CACNA2D3: variants seen among roughly 807,000 people sequenced by gnomAD.
CACNA2D3 encodes calcium voltage-gated channel auxiliary subunit alpha2delta 3.
A neutral mutation model predicts 160.6 loss-of-function variants in CACNA2D3; 60 were observed. The ratio of observed to expected loss-of-function variants is 0.37; its 90% CI spans 0.30 to 0.46. The LOEUF (loss-of-function observed/expected upper bound fraction) is 0.46, where lower values mean the gene tolerates loss of function less well. Ranked by LOEUF, CACNA2D3 falls within the 20% of genes least tolerant of loss-of-function variation. The pLI is 1.00. For synonymous variants in CACNA2D3, 558 were observed against 492.9 expected (o/e 1.13, Z -1.75); for missense variants, 1,205 against 1,365.0 (o/e 0.88, Z 1.85).
intron 2 of CACNA2D3, among the ~76,000 whole-genome samples, chr3:54,312,485 T>G (rs749008391): frequency 6.6e-6 from 1 of 152,140 alleles, no homozygotes; most frequent in Non-Finnish European, 1.5e-5. Flanking sequence ...TGGAGCTCCC[T>G]CTCTGGGGGC....
chr3:54,843,973 G>A (rs559439852), intron 16 of CACNA2D3, among the ~76,000 whole-genome samples: 4 of 152,312 alleles, frequency 2.6e-5, no homozygotes, highest in Admixed American at 2.6e-4. Flanking sequence ...CCACTACCCT[G>A]TTGGATACTT....
At chr3:54,784,759 T>G (rs1702602160) in intron 13 of CACNA2D3, among the ~76,000 whole-genome samples, 1 of 152,138 alleles carries the variant, frequency 6.6e-6, no homozygotes, top group Admixed American at 6.5e-5. Flanking sequence ...AGCAGCAGAC[T>G]TCGTGAGCAG....
intron 11 of CACNA2D3, among the ~76,000 whole-genome samples, chr3:54,697,732 T>C (rs1454374104): frequency 6.6e-6 from 1 of 152,250 alleles, no homozygotes; most frequent in Non-Finnish European, 1.5e-5. Flanking sequence ...TCTAGTTATT[T>C]TCTAACTACC....
chr3:54,390,086 T>C (rs1699253910), intron 4 of CACNA2D3, among the ~76,000 whole-genome samples: 2 of 152,182 alleles, frequency 1.3e-5, no homozygotes, highest in Non-Finnish European at 2.9e-5. Flanking sequence ...TTATGGCTCA[T>C]GTGGTCAGTT....
intron 4 of CACNA2D3, among the ~76,000 whole-genome samples, chr3:54,472,826 T>G (rs1462086217): frequency 1.3e-5 from 2 of 152,098 alleles, no homozygotes; most frequent in African/African-American, 4.8e-5. Flanking sequence ...ATACGACTTA[T>G]AAGGGATATG....
At chr3:54,363,100 C>T (rs774380767) in intron 3 of CACNA2D3, among the ~76,000 whole-genome samples, 50 of 152,150 alleles carry the variant, frequency 3.3e-4, no homozygotes, top group Middle Eastern at 3.4e-3. Flanking sequence ...GAGGCTGAGG[C>T]AGAGGAATTG....
intron 11 of CACNA2D3, among the ~76,000 whole-genome samples, chr3:54,718,606 T>C (rs1701108067): frequency 6.6e-6 from 1 of 152,116 alleles, no homozygotes; most frequent in African/African-American, 2.4e-5. Flanking sequence ...TATCTGGTAG[T>C]ATAAGTCTTC....
intron 9 of CACNA2D3, among the ~76,000 whole-genome samples, chr3:54,590,431 G>C (rs1702836545): frequency 6.6e-6 from 1 of 152,138 alleles, no homozygotes; most frequent in African/African-American, 2.4e-5. Context: ...AGGCATGGGA[G>C]TGGGGAGAGG....
intron 5 of CACNA2D3, among the ~76,000 whole-genome samples, chr3:54,545,024 A>G (rs7428777): frequency 0.31 from 46,427 of 152,022 alleles, 7,215 homozygotes; most frequent in Middle Eastern, 0.36. Flanking sequence ...AAAATTAGTC[A>G]TCAAATGCGT....
At chr3:54,586,624 A>G (rs1702767323) in intron 9 of CACNA2D3, among the ~76,000 whole-genome samples, 1 of 152,312 alleles carries the variant, frequency 6.6e-6, no homozygotes. Context: ...CTACTGTACA[A>G]AAAGTCAGCA....
intron 2 of CACNA2D3, among the ~76,000 whole-genome samples, chr3:54,293,109 A>C (rs1160925796): frequency 1.3e-5 from 2 of 152,250 alleles, no homozygotes; most frequent in African/African-American, 2.4e-5. Context: ...ACTTATACGA[A>C]GTACCTGGAA....
chr3:54,473,207 A>G (rs891476019), intron 4 of CACNA2D3, among the ~76,000 whole-genome samples: 4 of 152,182 alleles, frequency 2.6e-5, no homozygotes, highest in African/African-American at 9.7e-5. Flanking sequence ...GAAACAGAAC[A>G]GAGGCCTCCG....
At chr3:54,954,901 A>T (rs1701843878) in intron 27 of CACNA2D3, among the ~76,000 whole-genome samples, 1 of 152,172 alleles carries the variant, frequency 6.6e-6, no homozygotes, top group South Asian at 2.1e-4. Context: ...GGCGCCGATT[A>T]ACCTCCTTGT....
At chr3:54,948,974 G>C (rs1701686724) in intron 27 of CACNA2D3, among the ~76,000 whole-genome samples, 1 of 152,186 alleles carries the variant, frequency 6.6e-6, no homozygotes, top group Admixed American at 6.5e-5. Flanking sequence ...ACCAGCTTCA[G>C]GTACAGTTGG....
Position 54,816,889 on chromosome 3 carries a change from C to T in CACNA2D3, c.1398+19C>T. On this transcript the variant is annotated intron_variant, in intron 14 of 37. Transcript: ENST00000474759. The stretch of plus-strand genomic sequence containing the variant: ...ACAAAAGGTAAATTCTCTTCTGTCA[C>T]ATTCCAGTCACCCCCAGAACTCACG... 1.2e-6 allele frequency: 2 copies of T among 1,613,664 alleles called. No individual in the cohort carries two copies. Among genetic ancestry groups the T allele is most frequent in the Non-Finnish European group, 1.7e-6 (2 of 1,179,670 alleles).
chr3:54,401,733 G>A (rs981112341), intron 4 of CACNA2D3, among the ~76,000 whole-genome samples: 6 of 152,080 alleles, frequency 3.9e-5, no homozygotes, highest in Admixed American at 6.5e-5. Flanking sequence ...CACTAAACCC[G>A]TCTTAGAAGA....
intron 27 of CACNA2D3, among the ~76,000 whole-genome samples, chr3:54,948,495 C>A: frequency 6.6e-6 from 1 of 152,180 alleles, no homozygotes; most frequent in East Asian, 1.9e-4. Context: ...CTAGTATGGG[C>A]AAAGGTAGCA....
intron 4 of CACNA2D3, among the ~76,000 whole-genome samples, chr3:54,410,852 T>C (rs1011152406): frequency 3.9e-5 from 6 of 152,212 alleles, no homozygotes; most frequent in Non-Finnish European, 8.8e-5. Context: ...GTGATCCGTC[T>C]GGTCTGGACA....
At chr3:54,551,794 G>A (rs1353289994) in intron 5 of CACNA2D3, among the ~76,000 whole-genome samples, 2 of 152,178 alleles carry the variant, frequency 1.3e-5, no homozygotes, top group African/African-American at 4.8e-5. Context: ...CATTGTTCTA[G>A]TATTTGCTGG....
Sources: gnomAD v4.1 joint callset for allele counts (sites outside exome capture counted in the v4.1 genomes callset) on GRCh38, gnomAD v4.1.1 for gene constraint, MANE v1.5 for transcripts, NCBI Gene and HGNC (gene_info 2026-07-23, HGNC 2026-07-21) for gene names.